Variants in PCDHGB2 observed in about 807,000 individuals in gnomAD.
PCDHGB2 encodes protocadherin gamma-B2.
In PCDHGB2, 55 loss-of-function variants were observed where a neutral mutation model predicts 59.3. That is an observed-to-expected ratio of 0.93 (90% CI 0.75 to 1.16). The LOEUF (loss-of-function observed/expected upper bound fraction) is 1.16. Among genes scored for constraint, PCDHGB2 ranks in the 50% most tolerant of loss-of-function variants. The pLI is 0.00. For missense variants in PCDHGB2, 1,228 were observed against 1,198.5 expected (o/e 1.02, Z -0.36); for synonymous variants, 516 against 512.0 (o/e 1.01, Z -0.11).
intron 1 of PCDHGB2, among the ~76,000 whole-genome samples, chr5:141,469,315 G>A (rs1160946697): frequency 6.6e-6 from 1 of 151,866 alleles, no homozygotes; most frequent in African/African-American, 2.4e-5. Flanking sequence ...GATGGCTCAC[G>A]CCTGTAATCC....
At chr5:141,418,026 T>A (rs2154547454) in intron 1 of PCDHGB2, 1 of 1,613,962 alleles carries the variant, frequency 6.2e-7, no homozygotes, top group East Asian at 2.2e-5. Context: ...GATCTAGGGC[T>A]TAGTGTCCTG....
At position 141,394,517 on chromosome 5, in the gene PCDHGB2, C is replaced by T. The variant is rs1226195225; in HGVS notation, c.2421+31961C>T. On this transcript the variant is annotated intron_variant, in intron 1 of 3. Transcript: ENST00000522605. ...CCGAGATCCTGTACCCCGCCCTCCC[C>T]ACAGACGGTTCCACTGGCGTGGAGC... 5 of 1,614,116 alleles carry T rather than the reference C, an allele frequency of 3.1e-6. No individual in the cohort carries two copies. The Admixed American group carries it at 5.0e-5, about 16-fold the overall frequency.
chr5:141,395,129 G>C (rs2093179899), intron 1 of PCDHGB2: 1 of 1,614,182 alleles, frequency 6.2e-7, no homozygotes, highest in African/African-American at 1.3e-5. Context: ...TCTTTCCCCA[G>C]CCCAACTACG....
intron 1 of PCDHGB2, among the ~76,000 whole-genome samples, chr5:141,488,635 C>T (rs1476156734): frequency 6.6e-6 from 1 of 152,152 alleles, no homozygotes; most frequent in Non-Finnish European, 1.5e-5. Flanking sequence ...ACCTTAGCAG[C>T]ATTCAGCAGG....
At chr5:141,418,654 G>C (rs2096278227) in intron 1 of PCDHGB2, 1 of 1,614,016 alleles carries the variant, frequency 6.2e-7, no homozygotes, top group African/African-American at 1.3e-5. Context: ...TGAGAGTGAA[G>C]GCCACTGACC....
Position 141,510,362 on chromosome 5 carries a change from C to T in PCDHGB2, c.2570-585C>T, listed in dbSNP as rs74321279. Among the ~76,000 whole-genome samples the T allele has an allele frequency of 2.0e-4, 29 of 142,136 alleles. No homozygotes were observed. In the East Asian group the frequency reaches 5.7e-3, roughly 28 times the overall value. The allele number at this position is 142,136 out of a possible 152,430, so 93.2% of individuals were successfully genotyped here. A position where few individuals can be genotyped will look rare whatever the true frequency, so the allele number is the denominator to read the frequency against. On this transcript the variant is annotated intron_variant, in intron 3 of 3. Coordinates refer to ENST00000522605, the MANE Select transcript of PCDHGB2 (RefSeq NM_018923.3). ...CCCACACACTTACTAACGGAACTAC[C>T]GAATCTCTACTCGTGCCAGGCCTTG... is the stretch of plus-strand genomic sequence containing the variant.
chr5:141,404,705 G>A, intron 1 of PCDHGB2: 2 of 1,614,108 alleles, frequency 1.2e-6, no homozygotes, highest in South Asian at 2.2e-5. Flanking sequence ...TGCAGAGCCT[G>A]GCTACCTGGT....
At chr5:141,456,364 G>A (rs778916049) in intron 1 of PCDHGB2, among the ~76,000 whole-genome samples, 2 of 152,258 alleles carry the variant, frequency 1.3e-5, no homozygotes, top group Admixed American at 6.5e-5. Flanking sequence ...TCCATGTGTG[G>A]TTCAGTTTAC....
At chr5:141,482,809 T>C (rs1295469639) in intron 1 of PCDHGB2, among the ~76,000 whole-genome samples, 1 of 152,170 alleles carries the variant, frequency 6.6e-6, no homozygotes, top group Non-Finnish European at 1.5e-5. Flanking sequence ...CGGTGGCTCA[T>C]GCCTGTAATC....
chr5:141,489,300 C>A lies in PCDHGB2; in HGVS notation c.2422-5507C>A. On this transcript the variant is annotated intron_variant, in intron 1 of 3. Coordinates refer to ENST00000522605, the MANE Select transcript of PCDHGB2 (RefSeq NM_018923.3). The surrounding 1 kb of genome is among the most constrained non-coding windows in gnomAD (Gnocchi z 4.5). ...AATGGCAAGTGCTGTGCATGTTGTC[C>A]TTGTGCTGCTGGGGCTGGGTGTCTG... 1 of 1,585,698 alleles carries A rather than the reference C, an allele frequency of 6.3e-7. No homozygotes were observed. Among genetic ancestry groups the A allele is most frequent in the South Asian group, 1.2e-5 (1 of 85,012 alleles).
rs766638463 is a variant in PCDHGB2 at position 141,476,525 on chromosome 5, A to G, written c.2422-18282A>G. ...CAACGACAACAATCCTGCTTTCCCT[A>G]CCCAGGAAATGAAATTGGAGATTAG... On this transcript the variant is annotated intron_variant, in intron 1 of 3. Transcript: ENST00000522605. This position sits in a 1 kb window ranked among gnomAD's most constrained non-coding sequence, Gnocchi z 7.6. 6 of 1,613,950 alleles carry G rather than the reference A, an allele frequency of 3.7e-6. No homozygotes were observed. The African/African-American group carries it at 6.7e-5, about 18-fold the overall frequency.
chr5:141,404,415 T>C, intron 1 of PCDHGB2: 1 of 1,613,844 alleles, frequency 6.2e-7, no homozygotes, highest in Non-Finnish European at 8.5e-7. Context: ...TCTAGAGTTA[T>C]TTACTCCTTG....
intron 1 of PCDHGB2, chr5:141,393,056 C>A: frequency 6.2e-7 from 1 of 1,613,606 alleles, no homozygotes; most frequent in Non-Finnish European, 8.5e-7. Flanking sequence ...ACCCGCGCAG[C>A]GGCAGCTTGA....
chr5:141,490,467 C>T lies in PCDHGB2; in HGVS notation c.2422-4340C>T. ...AGAACCACTACTCGCTGCTAACCAG[C>T]CAGCCTTTGGACCGGGAGGCCACAT... is the stretch of plus-strand genomic sequence containing the variant. On this transcript the variant is annotated intron_variant, in intron 1 of 3. Transcript: ENST00000522605. This position sits in a 1 kb window ranked among gnomAD's most constrained non-coding sequence, Gnocchi z 5.4. The T allele has an allele frequency of 6.2e-7, 1 of 1,614,216 alleles. No individual in the cohort carries two copies. The highest frequency in any genetic ancestry group is 8.5e-7 in the Non-Finnish European group (1 of 1,180,040).
chr5:141,408,060 T>G (rs2095034623), intron 1 of PCDHGB2: 1 of 1,324,738 alleles, frequency 7.5e-7, no homozygotes, highest in Admixed American at 2.9e-5. Flanking sequence ...GCCTCCCGGC[T>G]GCGCAGACCT....
At chr5:141,384,448 C>A (rs1780101973) in intron 1 of PCDHGB2, 2 of 1,614,070 alleles carry the variant, frequency 1.2e-6, no homozygotes, top group Non-Finnish European at 1.7e-6. Flanking sequence ...CCTGTACGCG[C>A]TGCAATCCTT....
intron 1 of PCDHGB2, chr5:141,400,117 T>C (rs2093964744): frequency 1.2e-6 from 2 of 1,614,050 alleles, no homozygotes; most frequent in Non-Finnish European, 1.7e-6. Context: ...TGCTGACAGC[T>C]TGCAGGAGGT....
At chr5:141,376,059 C>A (rs761483041) in intron 1 of PCDHGB2, 1 of 1,613,280 alleles carries the variant, frequency 6.2e-7, no homozygotes, top group Admixed American at 1.7e-5. Context: ...GCCACTGTCA[C>A]GCTCACCGTG....
Position 141,413,476 on chromosome 5 carries a change from G to T in PCDHGB2, c.2421+50920G>T, listed in dbSNP as rs566734719. 2.1e-5 allele frequency: 34 copies of T among 1,614,004 alleles called. No homozygotes were observed. The South Asian group carries it at 3.7e-4, about 18-fold the overall frequency. ...CAGGATAGACCGGGAGGAGCTCTGC[G>T]CTCAGAGCGCGCGGTGCGTGGTGAG... On this transcript the variant is annotated intron_variant, in intron 1 of 3. Coordinates refer to ENST00000522605, the MANE Select transcript of PCDHGB2 (RefSeq NM_018923.3).
Sources: gnomAD v4.1 joint callset for allele counts (sites outside exome capture counted in the v4.1 genomes callset) on GRCh38, gnomAD v4.1.1 for gene constraint, Gnocchi (gnomAD v3.1) non-coding constraint, MANE v1.5 for transcripts, NCBI Gene and HGNC (gene_info 2026-07-23, HGNC 2026-07-21) for gene names.